NBAS: variants seen among roughly 807,000 people sequenced by gnomAD.
NBAS encodes NBAS subunit of NRZ tethering complex, also known as NAG/BC035112 fusion.
In NBAS, 219 loss-of-function variants were observed where a neutral mutation model predicts 302.5. That is an observed-to-expected ratio of 0.72 (90% CI 0.65 to 0.81). The LOEUF (loss-of-function observed/expected upper bound fraction) is 0.81. NBAS is among the 30% of genes least tolerant of loss of function. The pLI, the probability that NBAS is intolerant of heterozygous loss-of-function variation, is 0.00. For missense variants in NBAS, 2,932 were observed against 2,841.6 expected, an observed-to-expected ratio of 1.03 and a Z score of -0.72; for synonymous variants, 1,118 against 1,021.6, an observed-to-expected ratio of 1.09 and a Z score of -1.80.
In NBAS at chr2:15,461,734, T is replaced by A. The variant is rs747679083; in HGVS notation, c.2155A>T (p.Lys719Ter). The change falls in exon 20 of 52, where the codon AAA becomes TAA. Residue 719 changes from lysine (K) to a stop codon, truncating the protein, a stop_gained. Transcript: ENST00000281513. LOFTEE classifies it high-confidence loss of function. ...AGAACAATATTCTGATTTCTGAATTTCTTAAAGAATTCAGCATCATATCTC... is the reference window on the plus strand; with the variant it reads ...AGAACAATATTCTGATTTCTGAATTACTTAAAGAATTCAGCATCATATCTC... ...EQRYDAEFFK[K>*]FRNQNIVLSA... 1 of 1,609,566 alleles carries A rather than the reference T, an allele frequency of 6.2e-7. No homozygotes were observed. Among genetic ancestry groups the A allele is most frequent in the Non-Finnish European group, 8.5e-7 (1 of 1,176,758 alleles).
At chr2:14,976,336 A>G in the NBAS span, among the ~76,000 whole-genome samples, 1 of 152,202 alleles carries the variant, frequency 6.6e-6, no homozygotes, top group Non-Finnish European at 1.5e-5. Context: ...GGAGCAGCAC[A>G]GGGAAAGAGC....
intron 42 of NBAS, among the ~76,000 whole-genome samples, chr2:15,281,268 G>T (rs954576705): frequency 3.9e-4 from 59 of 152,280 alleles, no homozygotes; most frequent in African/African-American, 1.4e-3. Context: ...ATTCTGACTT[G>T]TTTATATACT....
chr2:15,325,935 A>G (rs1186034914), intron 38 of NBAS, among the ~76,000 whole-genome samples: 1 of 152,208 alleles, frequency 6.6e-6, no homozygotes, highest in East Asian at 1.9e-4. Context: ...TTATAGGGTT[A>G]TTAACTTGCC....
At chr2:14,907,915 T>A in the NBAS span, among the ~76,000 whole-genome samples, 1 of 152,170 alleles carries the variant, frequency 6.6e-6, no homozygotes, top group African/African-American at 2.4e-5. Context: ...AATAAGAGGC[T>A]TTTGTCTTTT....
At chr2:14,933,791 A>C in the NBAS span, among the ~76,000 whole-genome samples, 1 of 152,310 alleles carries the variant, frequency 6.6e-6, no homozygotes, top group East Asian at 1.9e-4. Flanking sequence ...GCTGCTTTGC[A>C]GTTATTTTCA....
the NBAS span, among the ~76,000 whole-genome samples, chr2:15,034,295 A>AGAAG: frequency 1.3e-5 from 1 of 76,902 alleles, no homozygotes; most frequent in Non-Finnish European, 2.9e-5. Flanking sequence ...AAAGAAAGAA[A>AGAAG]GAAAGAAAGA....
the NBAS span, among the ~76,000 whole-genome samples, chr2:14,788,602 C>T: frequency 1.1e-3 from 168 of 152,308 alleles, no homozygotes; most frequent in African/African-American, 3.9e-3. Flanking sequence ...ACCCTGTTTG[C>T]CTGGCCACAG....
the NBAS span, among the ~76,000 whole-genome samples, chr2:14,811,453 G>A: frequency 6.6e-6 from 1 of 152,288 alleles, no homozygotes; most frequent in Non-Finnish European, 1.5e-5. Flanking sequence ...TTTTTAGACA[G>A]TGGTTCTTAA....
intron 21 of NBAS, among the ~76,000 whole-genome samples, chr2:15,442,501 C>T (rs1678482127): frequency 6.6e-6 from 1 of 151,932 alleles, no homozygotes; most frequent in Admixed American, 6.6e-5. Context: ...ACATTCAAAG[C>T]AGTGTGTAGT....
At chr2:14,905,554 A>G in the NBAS span, among the ~76,000 whole-genome samples, 2 of 152,184 alleles carry the variant, frequency 1.3e-5, no homozygotes, top group Non-Finnish European at 2.9e-5. Context: ...ATAAGTAACC[A>G]AATAGCCTGG....
chr2:15,534,434 A>C, intron 9 of NBAS, 109 bp downstream of exon 9: 1 of 839,132 alleles, frequency 1.2e-6, no homozygotes, highest in Non-Finnish European at 2.1e-6. Flanking sequence ...AACTACGCAC[A>C]AGAGGAGGAA....
chr2:14,891,380 C>T, the NBAS span, among the ~76,000 whole-genome samples: 8 of 151,880 alleles, frequency 5.3e-5, no homozygotes, highest in South Asian at 1.5e-3. Flanking sequence ...TAACATGAAG[C>T]GGATTTTAAT....
chr2:15,101,850 T>C, the NBAS span, among the ~76,000 whole-genome samples: 8 of 152,194 alleles, frequency 5.3e-5, no homozygotes, highest in African/African-American at 9.6e-5. Flanking sequence ...CAAACCTCAG[T>C]CTTCAGTGAC....
chr2:15,411,881 T>C (rs956861952), intron 25 of NBAS, among the ~76,000 whole-genome samples: 2 of 152,112 alleles, frequency 1.3e-5, no homozygotes, highest in African/African-American at 2.4e-5. Flanking sequence ...AGTTTAGAAG[T>C]CAGAGAACAA....
chr2:14,912,023 A>C, the NBAS span, among the ~76,000 whole-genome samples: 2 of 152,204 alleles, frequency 1.3e-5, no homozygotes, highest in East Asian at 1.9e-4. Flanking sequence ...AGCTTACTAC[A>C]TGCCCGGGCT....
At chr2:15,224,927 C>A (rs1192609828) in intron 47 of NBAS, among the ~76,000 whole-genome samples, 1 of 152,154 alleles carries the variant, frequency 6.6e-6, no homozygotes. Flanking sequence ...TATCAGCTCC[C>A]ATGAAACAAT....
intron 38 of NBAS, among the ~76,000 whole-genome samples, chr2:15,325,195 A>C (rs1672007538): frequency 6.6e-6 from 1 of 152,216 alleles, no homozygotes; most frequent in South Asian, 2.1e-4. Flanking sequence ...TACCTCATAG[A>C]TACTGTGAGT....
chr2:15,011,835 A>G, the NBAS span, among the ~76,000 whole-genome samples: 1 of 151,730 alleles, frequency 6.6e-6, no homozygotes. Flanking sequence ...GCAACTACAC[A>G]GAGACTACAC....
intron 35 of NBAS, among the ~76,000 whole-genome samples, chr2:15,336,384 G>A (rs1368360272): frequency 2.6e-5 from 4 of 152,124 alleles, no homozygotes; most frequent in Non-Finnish European, 5.9e-5. Context: ...CTATATATAG[G>A]TGTAAGAAGT....
Sources: allele counts gnomAD v4.1 joint callset (sites outside exome capture counted in the v4.1 genomes callset), GRCh38; gene constraint gnomAD v4.1.1; transcripts MANE v1.5; gene names NCBI Gene and HGNC (gene_info 2026-07-23, HGNC 2026-07-21).